CFAP300: variants seen among roughly 807,000 people sequenced by gnomAD.
CFAP300 encodes the protein cilia and flagella associated protein 300, also known as cilia- and flagella-associated protein 300.
A neutral mutation model predicts 33.0 loss-of-function variants in CFAP300; 32 were observed. The observed-to-expected ratio is 0.97, with a 90% CI of 0.73 to 1.30. The LOEUF is 1.30. Among genes scored for constraint, CFAP300 ranks in the 50% most tolerant of loss-of-function variants. CFAP300 has a pLI of 0.00. For synonymous variants in CFAP300, 102 were observed against 106.8 expected, an observed-to-expected ratio of 0.95 and a Z score of 0.28; for missense variants, 356 against 318.1, an observed-to-expected ratio of 1.12 and a Z score of -0.90.
intron 2 of CFAP300, among the ~76,000 whole-genome samples, chr11:102,056,654 C>T (rs1032148366): frequency 2.6e-5 from 4 of 151,978 alleles, no homozygotes; most frequent in Admixed American, 1.3e-4. Flanking sequence ...AAGATAGTCT[C>T]ACTCTGTTAC....
chr11:102,056,573 T>A (rs7951994), intron 2 of CFAP300, among the ~76,000 whole-genome samples: 65,176 of 151,928 alleles, frequency 0.43, 14,208 homozygotes, highest in East Asian at 0.67. Flanking sequence ...TTTCCTAAAG[T>A]TTATTGGCTA....
In CFAP300 at chr11:102,083,378, C is replaced by G; in HGVS notation, c.*179C>G. 5.6e-6 allele frequency: 2 copies of G among 354,564 alleles called. No individual in the cohort carries two copies. Among genetic ancestry groups the G allele is most frequent in the African/African-American group, 2.1e-5 (1 of 47,072 alleles). 22.0% of individuals were successfully genotyped at this position (354,564 alleles called of 1,614,324 possible). ...TTAAAAATTTGTGTGGAATACTAAC[C>G]GGGGATCAAATTTCATCCATAATAA... On this transcript the variant is annotated 3_prime_UTR_variant, in exon 7 of 7. Transcript: ENST00000434758.
At chr11:102,058,805 T>C (rs568289936) in intron 2 of CFAP300, 75 bp from the exon 3 acceptor site, 3 of 819,878 alleles carry the variant, frequency 3.7e-6, no homozygotes, top group Admixed American at 2.8e-5. Flanking sequence ...AAGGAGATTA[T>C]AGTTATTTTA....
intron 6 of CFAP300, chr11:102,081,523 T>C: frequency 9.0e-6 from 5 of 552,710 alleles, no homozygotes; most frequent in African/African-American, 1.9e-5. Flanking sequence ...ATTTTAGAGC[T>C]AAATCTGTGA....
At chr11:102,048,469 G>A (rs1322978787) in intron 2 of CFAP300, among the ~76,000 whole-genome samples, 1 of 152,082 alleles carries the variant, frequency 6.6e-6, no homozygotes, top group Non-Finnish European at 1.5e-5. Context: ...GTGCTGGGGA[G>A]TACAGGCGAG....
chr11:102,055,596 C>T (rs1444658708), intron 2 of CFAP300, among the ~76,000 whole-genome samples: 1 of 151,564 alleles, frequency 6.6e-6, no homozygotes, highest in African/African-American at 2.4e-5. Flanking sequence ...TGAGCTCAAG[C>T]CTCAGCCTCC....
chr11:102,070,429 T>C (rs1942296208), intron 4 of CFAP300, among the ~76,000 whole-genome samples: 1 of 152,254 alleles, frequency 6.6e-6, no homozygotes, highest in African/African-American at 2.4e-5. Flanking sequence ...ACAGTGATTG[T>C]TGTATAATTC....
intron 6 of CFAP300, among the ~76,000 whole-genome samples, chr11:102,082,799 C>T (rs975690231): frequency 6.6e-6 from 1 of 152,110 alleles, no homozygotes; most frequent in Admixed American, 6.5e-5. Flanking sequence ...GAGTTCAAGA[C>T]TAGCCTGGCT....
At chr11:102,048,009 C>A in intron 2 of CFAP300, 113 bp downstream of exon 2, 1 of 912,572 alleles carries the variant, frequency 1.1e-6, no homozygotes. Flanking sequence ...GTTTTCTTGG[C>A]GTTTGGGAGT....
At chr11:102,059,947 G>A (rs906531033) in intron 3 of CFAP300, among the ~76,000 whole-genome samples, 5 of 151,350 alleles carry the variant, frequency 3.3e-5, no homozygotes, top group South Asian at 2.1e-4. Context: ...CCCCACACCC[G>A]GCTAATTCCT....
intron 1 of CFAP300, 44 bp from the exon 2 acceptor site, chr11:102,047,770 AG>A: frequency 6.3e-7 from 1 of 1,597,552 alleles, no homozygotes; most frequent in Non-Finnish European, 8.6e-7. Context: ...GCGCTCTGAG[AG>A]GGTGCCAGCC....
In CFAP300 at chr11:102,059,812, C is replaced by CTT. The variant is rs538180709; in HGVS notation, c.268+872_268+873dup. On this transcript the variant is annotated intron_variant, in intron 3 of 6. Coordinates refer to ENST00000434758, the MANE Select transcript of CFAP300 (RefSeq NM_032930.3). ...ACAGAGGAATCAGCCAACCACAGGA[C>CTT]TTTTTTTTTTTTTTTTGAGACAGTG... 9.6e-3 allele frequency among the ~76,000 whole-genome samples: 1,329 copies of CTT among 138,948 alleles called. 14 individuals are homozygous for CTT. The highest frequency in any genetic ancestry group is 0.015 in the Non-Finnish European group (992 of 64,522). 91.2% of individuals were successfully genotyped at this position (138,948 alleles called of 152,430 possible).
chr11:102,081,517 T>A (rs1176775051), intron 6 of CFAP300: 1 of 557,074 alleles, frequency 1.8e-6, no homozygotes, highest in Non-Finnish European at 3.1e-6. Context: ...CTACTTATTT[T>A]AGAGCTAAAT....
At chr11:102,080,273 T>G (rs1942455107) in intron 5 of CFAP300, among the ~76,000 whole-genome samples, 1 of 152,206 alleles carries the variant, frequency 6.6e-6, no homozygotes, top group Admixed American at 6.5e-5. Context: ...CTTAGTTTGC[T>G]TTCTCACTAC....
chr11:102,047,816 T>C lies in CFAP300; in HGVS notation c.112T>C (p.Ser38Pro). ...KEITSRLRQW[S>P]MLGRIKAQAF... ...TTTCTTTTTCCTCCTCTGCCCCAGG[T>C]CCATGCTGGGCAGAATCAAGGCGCA... The change falls in exon 2 of 7, where the codon TCC becomes CCC. Residue 38 changes from serine to proline, a missense_variant and splice_region_variant. Coordinates refer to ENST00000434758, the MANE Select transcript of CFAP300 (RefSeq NM_032930.3). The C allele has an allele frequency of 6.2e-7, 1 of 1,614,124 alleles. No individual in the cohort carries two copies. The highest frequency in any genetic ancestry group is 8.5e-7 in the Non-Finnish European group (1 of 1,180,020).
chr11:102,069,343 T>C (rs900381313), intron 4 of CFAP300, among the ~76,000 whole-genome samples: 9 of 152,218 alleles, frequency 5.9e-5, no homozygotes, highest in Admixed American at 1.3e-4. Flanking sequence ...CACTGTAATG[T>C]AGTAAGTACT....
intron 5 of CFAP300, among the ~76,000 whole-genome samples, chr11:102,077,551 C>T (rs73593084): frequency 6.6e-6 from 1 of 152,114 alleles, no homozygotes; most frequent in Non-Finnish European, 1.5e-5. Flanking sequence ...ATAAAACACA[C>T]CTTTTTTATT....
intron 2 of CFAP300, among the ~76,000 whole-genome samples, chr11:102,054,074 C>T (rs1279922820): frequency 6.6e-6 from 1 of 152,154 alleles, no homozygotes; most frequent in East Asian, 1.9e-4. Context: ...ACTTGAAATC[C>T]ACCATGGAAA....
At chr11:102,082,044 G>C (rs1942481550) in intron 6 of CFAP300, among the ~76,000 whole-genome samples, 1 of 151,886 alleles carries the variant, frequency 6.6e-6, no homozygotes, top group South Asian at 2.1e-4. Flanking sequence ...AATATATACT[G>C]TGTATCAGCT....
Sources: gnomAD v4.1 joint callset for allele counts (sites outside exome capture counted in the v4.1 genomes callset) on GRCh38, gnomAD v4.1.1 for gene constraint, MANE v1.5 for transcripts, NCBI Gene and HGNC (gene_info 2026-07-23, HGNC 2026-07-21) for gene names.